The following TNXB variants were observed in gnomAD, a reference collection of about 807,000 sequenced individuals.
The protein encoded by TNXB is tenascin-X.
In TNXB, 183 loss-of-function variants were observed where a neutral mutation model predicts 340.5. The ratio of observed to expected loss-of-function variants is 0.54; its 90% confidence interval spans 0.48 to 0.61. TNXB has a LOEUF of 0.61. Ranked by LOEUF, TNXB falls within the 20% of genes least tolerant of loss-of-function variation. The probability of loss-of-function intolerance (pLI) is 0.00; values close to 1 mark genes in which losing one functional copy is unlikely to be tolerated. For synonymous variants in TNXB, 2,121 were observed against 2,314.5 expected (o/e 0.92, Z 2.40); for missense variants, 4,613 against 5,446.4 (o/e 0.85, Z 4.82).
At chr6:32,055,791 A>G in intron 24 of TNXB, 60 bp downstream of exon 24, 1 of 1,560,480 alleles carries the variant, frequency 6.4e-7, no homozygotes, top group Non-Finnish European at 8.7e-7. Flanking sequence ...TTTTGTTTTC[A>G]TGAAGTTGCA....
In TNXB at chr6:32,087,558, G is replaced by T; in HGVS notation, c.2779+1227C>A. ...GGTCGACGCCTTCAGGCGAGAGGCC[G>T]TAGATTCCCTGGTTGGAGTCCCGTT... On this transcript the variant is annotated intron_variant, in intron 6 of 43. Transcript: ENST00000644971. This position sits in a 1 kb window ranked among gnomAD's most constrained non-coding sequence, Gnocchi z 9.0. 1 of 433,048 alleles carries T rather than the reference G, an allele frequency of 2.3e-6. No homozygotes were observed. The highest frequency in any genetic ancestry group is 2.5e-5 in the Admixed American group (1 of 39,728). 26.8% of individuals were successfully genotyped at this position (433,048 alleles called of 1,614,324 possible).
intron 21 of TNXB, among the ~76,000 whole-genome samples, chr6:32,061,000 G>A (rs890684226): frequency 1.3e-5 from 2 of 151,896 alleles, no homozygotes; most frequent in African/African-American, 4.9e-5. Flanking sequence ...ACATTTCAGT[G>A]GCGGCATAAT....
rs577302790 is a variant in TNXB, at chr6:32,088,915, C to T, written c.2649G>A (p.Arg883=). Residue 883 remains arginine, a synonymous_variant, in exon 6 of 44, where the codon AGG becomes AGA. Transcript: ENST00000644971. ...CGTCTGCTTCAGGGGGCACTTCCAG[C>T]CTCACCCTCTGGTTGCCGGCACTGA... ...SYVSAGNQRV[R]LEVPPEADGT... is the part of the protein sequence containing the mutation. 3 of 1,599,542 alleles carry T rather than the reference C, an allele frequency of 1.9e-6. No homozygotes were observed. The South Asian group carries it at 3.4e-5, about 18-fold the overall frequency.
At chr6:32,091,423 T>C (rs1780068807) in intron 4 of TNXB, among the ~76,000 whole-genome samples, 1 of 150,964 alleles carries the variant, frequency 6.6e-6, no homozygotes, top group Admixed American at 6.6e-5. Flanking sequence ...AAGCAGTCTT[T>C]CTAAACAGAT....
intron 1 of TNXB, among the ~76,000 whole-genome samples, chr6:32,101,887 C>A (rs1032452541): frequency 6.6e-6 from 1 of 152,064 alleles, no homozygotes; most frequent in Non-Finnish European, 1.5e-5. Context: ...CCATGCCTGG[C>A]TAATTTTTAA....
rs1216622110 is a variant in TNXB at position 32,049,651 on chromosome 6, G to A, written c.9440-64C>T. ...TCCTTGGGTCCTGGGGAAAAGGAGG[G>A]AGAAGCCAAGGCTATGACTGGGGGA... On this transcript the variant is annotated intron_variant, in intron 27 of 43. Transcript: ENST00000644971. This position sits in a 1 kb window ranked among gnomAD's most constrained non-coding sequence, Gnocchi z 4.5. The A allele has an allele frequency of 2.6e-6, 4 of 1,541,268 alleles. No homozygotes were observed. The highest frequency in any genetic ancestry group is 1.4e-5 in the African/African-American group (1 of 73,296).
rs1448045623 is a variant in TNXB, at chr6:32,089,921, ATCAAGGATGCCCCT to A, written c.2359-556_2359-543del. 6.6e-6 allele frequency among the ~76,000 whole-genome samples: 1 copy of A among 152,156 alleles called. No homozygotes were observed. The highest frequency in any genetic ancestry group is 1.5e-5 in the Non-Finnish European group (1 of 68,036). Reference sequence around the variant, plus strand: ...GGTCCTGTCAGAACAAATGAAGTAGATCAAGGATGCCCCTTCAAGTTGCACTTTCTCCTTAAAGG... The same window carrying A: ...GGTCCTGTCAGAACAAATGAAGTAGATCAAGTTGCACTTTCTCCTTAAAGG... On this transcript the variant is annotated intron_variant, in intron 4 of 43. Transcript: ENST00000644971. The surrounding 1 kb of genome is among the most constrained non-coding windows in gnomAD (Gnocchi z 6.2).
At position 32,070,292 on chromosome 6, in the gene TNXB, CAA is replaced by C. The variant is rs1299530193; in HGVS notation, c.5111_5112del (p.Phe1704CysfsTer19). On this transcript the variant is annotated frameshift_variant, in exon 14 of 44. Transcript: ENST00000644971. LOFTEE classifies it high-confidence loss of function. The surrounding 1 kb of genome is among the most constrained non-coding windows in gnomAD (Gnocchi z 6.0). ...WTVPEGQFDS[F>X]VVQFKDKDGP... ...CCGTCTTTGTCCTTGAACTGGACCA[CAA>C]AAGAGTCGAACTGGCCCTCAGGAAC... The C allele has an allele frequency of 1.2e-6, 2 of 1,613,086 alleles. No individual in the cohort carries two copies. Among genetic ancestry groups the C allele is most frequent in the Middle Eastern group, 1.6e-4 (1 of 6,062 alleles).
In TNXB at chr6:32,085,738, T is replaced by C. The variant is rs755385149; in HGVS notation, c.3148+12A>G. ...TCTCAGGATATTGATCTGAGCAGAG[T>C]CCAAGATGTACCCATAATGCCTTGG... is the stretch of plus-strand genomic sequence containing the variant. On this transcript the variant is annotated intron_variant, in intron 7 of 43. Transcript: ENST00000644971. This position sits in a 1 kb window ranked among gnomAD's most constrained non-coding sequence, Gnocchi z 6.4. 2 of 1,530,248 alleles carry C rather than the reference T, an allele frequency of 1.3e-6. No homozygotes were observed. Among genetic ancestry groups the C allele is most frequent in the South Asian group, 1.3e-5 (1 of 77,538 alleles). 94.8% of individuals were successfully genotyped at this position (1,530,248 alleles called of 1,614,324 possible).
At position 32,073,648 on chromosome 6, in the gene TNXB, C is replaced by T. The variant is rs1451927416; in HGVS notation, c.4680G>A (p.Thr1560=). 3 of 1,605,308 alleles carry T rather than the reference C, an allele frequency of 1.9e-6. No homozygotes were observed. Among genetic ancestry groups the T allele is most frequent in the South Asian group, 1.1e-5 (1 of 90,052 alleles). Residue 1560 remains threonine (T), a splice_region_variant and synonymous_variant, in exon 12 of 44, where the codon ACG becomes ACA. Coordinates refer to ENST00000644971, the MANE Select transcript of TNXB (RefSeq NM_001365276.2). This position sits in a 1 kb window ranked among gnomAD's most constrained non-coding sequence, Gnocchi z 4.6. ...RMGPLSVVIV[T]APLPPAPATE... ...GGACTGAGTCCCCCCATTACTCACC[C>T]GTCACGATGACCACAGACAGGGGGC...
Position 32,080,587 on chromosome 6 carries a change from C to T in TNXB, c.4042+781G>A, listed in dbSNP as rs1179590739. Among the ~76,000 whole-genome samples, 1 of 152,198 alleles carries T rather than the reference C, an allele frequency of 6.6e-6. No individual in the cohort carries two copies. The highest frequency in any genetic ancestry group is 1.5e-5 in the Non-Finnish European group (1 of 68,046). On this transcript the variant is annotated intron_variant, in intron 10 of 43. Coordinates refer to ENST00000644971, the MANE Select transcript of TNXB (RefSeq NM_001365276.2). This position sits in a 1 kb window ranked among gnomAD's most constrained non-coding sequence, Gnocchi z 4.3. ...GAGGGACTGAAATCCAGCCACCTGA[C>T]AGAAGGGAAAGCTGAGGCACAGAGA...
chr6:32,056,579 C>T lies in TNXB; in HGVS notation c.8143+7G>A. On this transcript the variant is annotated splice_region_variant and intron_variant, in intron 23 of 43. Transcript: ENST00000644971. The stretch of plus-strand genomic sequence containing the variant: ...CTCCCACCCTGGGGCTGCCATCATC[C>T]ACTCACCCGTCACCCCAATGACAGA... 1.2e-6 allele frequency: 2 copies of T among 1,612,504 alleles called. No homozygotes were observed. Among genetic ancestry groups the T allele is most frequent in the Non-Finnish European group, 1.7e-6 (2 of 1,179,492 alleles).
rs746282620 is a variant in TNXB, at chr6:32,097,958, G to A, written c.241C>T (p.Pro81Ser). The A allele has an allele frequency of 6.2e-7, 1 of 1,602,042 alleles. No homozygotes were observed. Among genetic ancestry groups the A allele is most frequent in the Non-Finnish European group, 8.5e-7 (1 of 1,174,052 alleles). Reference protein sequence around the residue: ...VVFTHRINLPPSTGCGCPPGT... With the variant: ...VVFTHRINLPSSTGCGCPPGT... Reference sequence around the variant, plus strand: ...GGGGGACAGCCACAGCCAGTGGAAGGGGGCAGGTTAATGCGGTGGGTGAAT... The same window carrying A: ...GGGGGACAGCCACAGCCAGTGGAAGAGGGCAGGTTAATGCGGTGGGTGAAT... The change falls in exon 2 of 44, where the codon CCT (proline) becomes TCT (serine). Residue 81 changes from proline to serine, a missense_variant. Transcript: ENST00000644971. This position sits in a 1 kb window ranked among gnomAD's most constrained non-coding sequence, Gnocchi z 5.9.
At position 32,083,385 on chromosome 6, in the gene TNXB, G is replaced by A. The variant is rs1041148795; in HGVS notation, c.3445+1028C>T. 2.0e-5 allele frequency among the ~76,000 whole-genome samples: 3 copies of A among 152,174 alleles called. No homozygotes were observed. Among genetic ancestry groups the A allele is most frequent in the African/African-American group, 7.2e-5 (3 of 41,426 alleles). On this transcript the variant is annotated intron_variant, in intron 8 of 43. Transcript: ENST00000644971. The surrounding 1 kb of genome is among the most constrained non-coding windows in gnomAD (Gnocchi z 4.6). ...CCTATAAAGTAGGCATGCCTCCCAG[G>A]TGTGCTTTATGGGGTGTGATGATCC...
intron 1 of TNXB, among the ~76,000 whole-genome samples, chr6:32,099,161 T>C (rs1226652821): frequency 6.6e-6 from 1 of 151,982 alleles, no homozygotes; most frequent in Non-Finnish European, 1.5e-5. Context: ...GGCCAATCCT[T>C]CCCCAAACAC....
rs904997696 is a variant in TNXB, at chr6:32,108,816, G to A, written c.-9+365C>T. On this transcript the variant is annotated intron_variant, in intron 1 of 43. Coordinates refer to ENST00000644971, the MANE Select transcript of TNXB (RefSeq NM_001365276.2). The surrounding 1 kb of genome is among the most constrained non-coding windows in gnomAD (Gnocchi z 4.8). Reference sequence around the variant, plus strand: ...CAGTTCAGCCTAGTCCTATCTTCCCGCTAGCCCCAGCACCTCCAGGGCCCA... The same window carrying A: ...CAGTTCAGCCTAGTCCTATCTTCCCACTAGCCCCAGCACCTCCAGGGCCCA... Among the ~76,000 whole-genome samples the A allele has an allele frequency of 3.9e-5, 6 of 152,142 alleles. No individual in the cohort carries two copies. The highest frequency in any genetic ancestry group is 3.3e-4 in the Admixed American group (5 of 15,288).
Position 32,079,515 on chromosome 6 carries a change from G to C in TNXB, c.4043-150C>G, listed in dbSNP as rs1207399060. On this transcript the variant is annotated intron_variant, in intron 10 of 43. Coordinates refer to ENST00000644971, the MANE Select transcript of TNXB (RefSeq NM_001365276.2). The surrounding 1 kb of genome is among the most constrained non-coding windows in gnomAD (Gnocchi z 7.1). ...GTCACTCACGGATGGAGAAGGCTGA[G>C]ACAGCCCTTGCCCCATCCTGCTCTG... The C allele has an allele frequency of 4.2e-6, 3 of 706,764 alleles. No homozygotes were observed. Among genetic ancestry groups the C allele is most frequent in the Non-Finnish European group, 6.9e-6 (3 of 434,464 alleles). The allele number at this position is 706,764 out of a possible 1,614,324, so 43.8% of individuals were successfully genotyped here.
At position 32,070,205 on chromosome 6, in the gene TNXB, C is replaced by T. The variant is rs374858262; in HGVS notation, c.5200G>A (p.Gly1734Ser). 35 of 1,612,164 alleles carry T rather than the reference C, an allele frequency of 2.2e-5. No individual in the cohort carries two copies. Among genetic ancestry groups the T allele is most frequent in the African/African-American group, 6.7e-5 (5 of 75,000 alleles). ...RSVTVTPLDAGRKYRFLLYGL... is the reference protein window; with the variant it reads ...RSVTVTPLDASRKYRFLLYGL... ...TAGAGGAGGAATCTGTACTTGCGGC[C>T]GGCATCCAGAGGGGTGACAGTGACA... The change falls in exon 14 of 44, where the codon GGC becomes AGC. Residue 1734 changes from glycine (G) to serine (S), a missense_variant. Physicochemically the swap from Gly to Ser is moderately conservative, Grantham distance 56. This residue lies in a region of TNXB where 4,327 missense variants were observed against 4,859.4 expected (regional missense o/e 0.89). Coordinates refer to ENST00000644971, the MANE Select transcript of TNXB (RefSeq NM_001365276.2). This position sits in a 1 kb window ranked among gnomAD's most constrained non-coding sequence, Gnocchi z 6.0.
At position 32,096,512 on chromosome 6, in the gene TNXB, G is replaced by A. The variant is rs1382689517; in HGVS notation, c.1341C>T (p.Asn447=). 6.3e-7 allele frequency: 1 copy of A among 1,598,398 alleles called. No individual in the cohort carries two copies. The highest frequency in any genetic ancestry group is 1.3e-5 in the African/African-American group (1 of 74,172). The change falls in exon 3 of 44, where the codon AAC becomes AAT. Residue 447 remains asparagine (N), a synonymous_variant. Coordinates refer to ENST00000644971, the MANE Select transcript of TNXB (RefSeq NM_001365276.2). ...RDCRGRGRCE[N]GVCVCNAGYS... Reference sequence around the variant, plus strand: ...AGCCCGCATTGCAAACACACACGCCGTTCTCGCAGCGCCCGCGACCTCTAC... The same window carrying A: ...AGCCCGCATTGCAAACACACACGCCATTCTCGCAGCGCCCGCGACCTCTAC...
Sources: allele counts gnomAD v4.1 joint callset (sites outside exome capture counted in the v4.1 genomes callset), GRCh38; gene constraint gnomAD v4.1.1; regional missense constraint gnomAD v4.1.1; non-coding constraint Gnocchi (gnomAD v3.1); transcripts MANE v1.5; gene names NCBI Gene and HGNC (gene_info 2026-07-23, HGNC 2026-07-21).